SH3BGRL2: variants seen among roughly 807,000 people sequenced by gnomAD.
SH3BGRL2 encodes the protein SH3 domain binding glutamate rich protein like 2.
In SH3BGRL2, 21 loss-of-function variants were observed where a neutral mutation model predicts 14.8. The ratio of observed to expected loss-of-function variants is 1.42; its 90% CI spans 1.01 to 2.05. The LOEUF (loss-of-function observed/expected upper bound fraction) is 2.05. Among genes scored for constraint, SH3BGRL2 ranks in the 30% most tolerant of loss-of-function variants. The pLI, the probability that SH3BGRL2 is intolerant of heterozygous loss-of-function variation, is 0.00. For synonymous variants in SH3BGRL2, 50 were observed against 47.8 expected, an observed-to-expected ratio of 1.05 and a Z score of -0.19; for missense variants, 147 against 130.8, an observed-to-expected ratio of 1.12 and a Z score of -0.61.
the SH3BGRL2 span, among the ~76,000 whole-genome samples, chr6:79,588,069 G>A: frequency 2.0e-5 from 3 of 152,054 alleles, no homozygotes; most frequent in South Asian, 6.2e-4. Context: ...TGAGACAGGT[G>A]GATCACGAGG....
chr6:79,680,654 G>T (rs1331929759), intron 2 of SH3BGRL2, among the ~76,000 whole-genome samples: 3 of 151,974 alleles, frequency 2.0e-5, no homozygotes, highest in Non-Finnish European at 4.4e-5. Flanking sequence ...TGAATCTGTA[G>T]ATTGCTTTGG....
At chr6:79,622,611 C>G in the SH3BGRL2 span, among the ~76,000 whole-genome samples, 8 of 152,286 alleles carry the variant, frequency 5.3e-5, no homozygotes, top group African/African-American at 1.9e-4. Context: ...CCAACACACA[C>G]CTCTCTGTTT....
chr6:79,563,228 C>T, the SH3BGRL2 span, among the ~76,000 whole-genome samples: 2 of 151,556 alleles, frequency 1.3e-5, no homozygotes, highest in African/African-American at 4.9e-5. Context: ...CCACCCGCCT[C>T]GGCCTCCCAA....
the SH3BGRL2 span, among the ~76,000 whole-genome samples, chr6:79,615,209 G>T: frequency 6.6e-6 from 1 of 152,140 alleles, no homozygotes; most frequent in Non-Finnish European, 1.5e-5. Flanking sequence ...AAGTTTGGGA[G>T]ACTCACAAAA....
Position 79,673,787 on chromosome 6 carries a change from C to A in SH3BGRL2, c.219C>A (p.Asp73Glu). The A allele has an allele frequency of 6.2e-7, 1 of 1,613,740 alleles. No homozygotes were observed. Among genetic ancestry groups the A allele is most frequent in the South Asian group, 1.1e-5 (1 of 91,028 alleles). The change falls in exon 2 of 4, where the codon GAC becomes GAA. Residue 73 changes from aspartate to glutamate, a missense_variant. Physicochemically the swap from Asp to Glu is conservative, Grantham distance 45. Transcript: ENST00000369838. ...NPLPPQIFNG[D>E]RYCGDYDSFF... is the part of the protein sequence containing the mutation. ...TGCCACCTCAGATATTTAATGGCGA[C>A]CGATACTGTGGAGTAAGTGGCTAGA...
the SH3BGRL2 span, among the ~76,000 whole-genome samples, chr6:79,567,010 C>G: frequency 6.6e-6 from 1 of 151,972 alleles, no homozygotes; most frequent in Non-Finnish European, 1.5e-5. Flanking sequence ...AATGAGCTAG[C>G]TGGGAAGCTG....
At chr6:79,550,159 C>T in the SH3BGRL2 span, among the ~76,000 whole-genome samples, 41 of 151,998 alleles carry the variant, frequency 2.7e-4, no homozygotes, top group African/African-American at 8.7e-4. Context: ...ATGTCATGAC[C>T]GTGGGTTTGC....
chr6:79,605,710 G>T, the SH3BGRL2 span, among the ~76,000 whole-genome samples: 1 of 152,210 alleles, frequency 6.6e-6, no homozygotes, highest in African/African-American at 2.4e-5. Flanking sequence ...TTCAACACAT[G>T]AAAGTCAAAA....
chr6:79,601,445 C>T, the SH3BGRL2 span, among the ~76,000 whole-genome samples: 1 of 152,218 alleles, frequency 6.6e-6, no homozygotes, highest in African/African-American at 2.4e-5. Context: ...ATCCACCTGC[C>T]TTAGCCTCCC....
intron 1 of SH3BGRL2, among the ~76,000 whole-genome samples, chr6:79,665,092 CA>C (rs1769630534): frequency 6.6e-6 from 1 of 151,960 alleles, no homozygotes; most frequent in South Asian, 2.1e-4. Context: ...CCCAGCTACT[CA>C]GGAGGTTGAG....
the SH3BGRL2 span, among the ~76,000 whole-genome samples, chr6:79,537,950 C>T: frequency 1.2e-4 from 17 of 137,942 alleles, no homozygotes; most frequent in Non-Finnish European, 1.8e-4. Context: ...GTGAGTTTGG[C>T]TTGAAAGTGA....
intron 2 of SH3BGRL2, among the ~76,000 whole-genome samples, chr6:79,677,322 AT>A (rs1769905466): frequency 6.6e-6 from 1 of 152,200 alleles, no homozygotes; most frequent in South Asian, 2.1e-4. Flanking sequence ...CATGTGAGGC[AT>A]AGAGTAAACA....
At chr6:79,593,200 T>G in the SH3BGRL2 span, among the ~76,000 whole-genome samples, 5 of 152,124 alleles carry the variant, frequency 3.3e-5, no homozygotes, top group African/African-American at 1.2e-4. Flanking sequence ...TTGAAGGCAG[T>G]GGGGTGGACT....
At chr6:79,611,364 A>C in the SH3BGRL2 span, among the ~76,000 whole-genome samples, 9 of 151,844 alleles carry the variant, frequency 5.9e-5, no homozygotes, top group African/African-American at 2.2e-4. Flanking sequence ...TAGCTAATGA[A>C]GGTTAAATCA....
At chr6:79,643,229 A>T (rs1769065576) in intron 1 of SH3BGRL2, among the ~76,000 whole-genome samples, 1 of 152,098 alleles carries the variant, frequency 6.6e-6, no homozygotes. Flanking sequence ...CAGCGGTAAA[A>T]CCTAGATTCA....
the SH3BGRL2 span, among the ~76,000 whole-genome samples, chr6:79,624,803 G>GT: frequency 6.6e-6 from 1 of 151,396 alleles, no homozygotes; most frequent in Non-Finnish European, 1.5e-5. Flanking sequence ...AGTGTTTTCT[G>GT]TTTTTTGGGT....
At chr6:79,570,845 C>T in the SH3BGRL2 span, among the ~76,000 whole-genome samples, 30 of 152,282 alleles carry the variant, frequency 2.0e-4, 1 homozygote, top group Admixed American at 1.9e-3. Context: ...AACTCAAGCA[C>T]TCTGTTTTAT....
chr6:79,578,236 G>T, the SH3BGRL2 span, among the ~76,000 whole-genome samples: 1 of 152,344 alleles, frequency 6.6e-6, no homozygotes, highest in South Asian at 2.1e-4. Context: ...AGACTTAAAT[G>T]TCCCTGTCTG....
At chr6:79,593,631 A>G in the SH3BGRL2 span, among the ~76,000 whole-genome samples, 1 of 152,196 alleles carries the variant, frequency 6.6e-6, no homozygotes, top group Admixed American at 6.5e-5. Context: ...GGGAGGAAAA[A>G]AATACATTGC....
Sources: gnomAD v4.1 joint callset for allele counts (sites outside exome capture counted in the v4.1 genomes callset) on GRCh38, gnomAD v4.1.1 for gene constraint, MANE v1.5 for transcripts, NCBI Gene and HGNC (gene_info 2026-07-23, HGNC 2026-07-21) for gene names.